Variants in NLK observed in about 807,000 individuals in gnomAD.
The protein encoded by NLK is nemo like kinase.
In NLK, 11 loss-of-function variants were observed where a neutral mutation model predicts 59.0. The ratio of observed to expected loss-of-function variants is 0.19; its 90% confidence interval spans 0.12 to 0.31. The LOEUF is 0.31. Ranked by LOEUF, NLK falls within the 10% of genes least tolerant of loss-of-function variation. NLK has a pLI of 1.00. For missense variants in NLK, 410 were observed against 661.1 expected (o/e 0.62, Z 4.16); for synonymous variants, 235 against 235.9 (o/e 1.00, Z 0.03).
At chr17:28,067,410 T>C (rs1409429956) in intron 1 of NLK, among the ~76,000 whole-genome samples, 1 of 152,114 alleles carries the variant, frequency 6.6e-6, no homozygotes, top group Non-Finnish European at 1.5e-5. Context: ...TAATGCACTT[T>C]CATGGAGTCA....
At chr17:28,120,349 C>T (rs540897121) in intron 1 of NLK, among the ~76,000 whole-genome samples, 1 of 151,974 alleles carries the variant, frequency 6.6e-6, no homozygotes, top group South Asian at 2.1e-4. Context: ...CTCAAGTGAT[C>T]CTCCTGTCTC....
intron 10 of NLK, 125 bp downstream of exon 10, chr17:28,192,338 TTA>T: frequency 1.6e-6 from 1 of 622,940 alleles, no homozygotes; most frequent in Non-Finnish European, 2.8e-6. Flanking sequence ...AAAGTTTCTG[TTA>T]TGAGGTTTGG....
At chr17:28,173,102 A>G (rs968580209) in intron 7 of NLK, among the ~76,000 whole-genome samples, 3 of 152,220 alleles carry the variant, frequency 2.0e-5, no homozygotes, top group Non-Finnish European at 4.4e-5. Flanking sequence ...CCAGATTTGC[A>G]CTCATCAGTA....
At chr17:28,136,086 G>A (rs565519488) in intron 3 of NLK, among the ~76,000 whole-genome samples, 12 of 152,220 alleles carry the variant, frequency 7.9e-5, no homozygotes, top group African/African-American at 1.9e-4. Flanking sequence ...AAAATTGTTC[G>A]CAGATGTTTA....
At chr17:28,186,331 G>T (rs1204975291) in intron 8 of NLK, among the ~76,000 whole-genome samples, 2 of 152,124 alleles carry the variant, frequency 1.3e-5, no homozygotes, top group Non-Finnish European at 2.9e-5. Flanking sequence ...AACAGTCAAG[G>T]TTTTTTTATT....
chr17:28,103,261 G>C (rs979041988), intron 1 of NLK, among the ~76,000 whole-genome samples: 2 of 152,166 alleles, frequency 1.3e-5, no homozygotes, highest in African/African-American at 4.8e-5. Flanking sequence ...AAGTATAGCA[G>C]AAGTTCCATA....
At chr17:28,158,191 A>G in intron 3 of NLK, among the ~76,000 whole-genome samples, 1 of 152,248 alleles carries the variant, frequency 6.6e-6, no homozygotes, top group Non-Finnish European at 1.5e-5. Flanking sequence ...CTCTTAGGCT[A>G]CAAACCTGTA....
intron 1 of NLK, among the ~76,000 whole-genome samples, chr17:28,095,335 T>C (rs1315950429): frequency 6.6e-6 from 1 of 152,184 alleles, no homozygotes; most frequent in Admixed American, 6.5e-5. Flanking sequence ...AAGAGTTTGC[T>C]GAAAAGTCTA....
chr17:28,127,063 T>G (rs139822736), intron 2 of NLK, among the ~76,000 whole-genome samples: 351 of 152,332 alleles, frequency 2.3e-3, no homozygotes, highest in Admixed American at 4.1e-3. Flanking sequence ...GTCTATTGAT[T>G]CCTGCCAAGA....
Position 28,043,063 on chromosome 17 carries a change from G to A in NLK, c.190G>A (p.Val64Ile), listed in dbSNP as rs544118935. Residue 64 changes from valine (V) to isoleucine (I), a missense_variant, in exon 1 of 11, where the codon GTA becomes ATA. Val to Ile is a conservative substitution (Grantham distance 29). This residue lies in a region of NLK where 160 missense variants were observed against 171.0 expected (regional missense o/e 0.94). Transcript: ENST00000407008. ...GGGGTCGGCTGCCGCTGTACACCCTGTACAGCAGCACACCTCTTCGGCAGC... is the reference window on the plus strand; with the variant it reads ...GGGGTCGGCTGCCGCTGTACACCCTATACAGCAGCACACCTCTTCGGCAGC... ...HPGSAAAVHP[V>I]QQHTSSAAAA... 1 of 1,565,602 alleles carries A rather than the reference G, an allele frequency of 6.4e-7. No individual in the cohort carries two copies. Among genetic ancestry groups the A allele is most frequent in the South Asian group, 1.2e-5 (1 of 86,684 alleles).
intron 1 of NLK, among the ~76,000 whole-genome samples, chr17:28,110,999 T>C (rs4795316): frequency 6.8e-6 from 1 of 147,198 alleles, no homozygotes; most frequent in South Asian, 2.2e-4. Flanking sequence ...CGCCCGCCAC[T>C]ACGCCCGGCT....
chr17:28,048,326 A>G (rs1373223264), intron 1 of NLK: 1 of 192,580 alleles, frequency 5.2e-6, no homozygotes, highest in East Asian at 1.2e-4. Context: ...CAAAAAATAA[A>G]CTTGTTTTAT....
intron 5 of NLK, among the ~76,000 whole-genome samples, chr17:28,165,063 T>G (rs1480744803): frequency 6.6e-6 from 1 of 152,174 alleles, no homozygotes; most frequent in East Asian, 1.9e-4. Flanking sequence ...GAGAAGTTAA[T>G]TGCCACCAAA....
At chr17:28,056,326 C>T (rs930975105) in intron 1 of NLK, among the ~76,000 whole-genome samples, 3 of 152,172 alleles carry the variant, frequency 2.0e-5, no homozygotes, top group Non-Finnish European at 4.4e-5. Context: ...GTCTAGCTGC[C>T]TCATTTTATA....
At chr17:28,156,729 A>G (rs1567730834) in intron 3 of NLK, among the ~76,000 whole-genome samples, 2 of 152,194 alleles carry the variant, frequency 1.3e-5, no homozygotes, top group Non-Finnish European at 2.9e-5. Flanking sequence ...ATTACATTCA[A>G]ATTAAGTTTT....
intron 7 of NLK, among the ~76,000 whole-genome samples, chr17:28,184,774 C>T (rs1444714279): frequency 6.6e-6 from 1 of 151,906 alleles, no homozygotes; most frequent in Non-Finnish European, 1.5e-5. Flanking sequence ...ATGGCAAAAC[C>T]CCTTCTCTAC....
At chr17:28,052,712 A>G (rs1479727706) in intron 1 of NLK, among the ~76,000 whole-genome samples, 2 of 152,156 alleles carry the variant, frequency 1.3e-5, no homozygotes, top group African/African-American at 2.4e-5. Context: ...TGTCATTTCA[A>G]CATGTATTCA....
At chr17:28,139,825 G>T (rs1906911265) in intron 3 of NLK, among the ~76,000 whole-genome samples, 2 of 152,260 alleles carry the variant, frequency 1.3e-5, no homozygotes, top group South Asian at 2.1e-4. Flanking sequence ...ACCATGCTCT[G>T]CTGCCTCTTA....
rs529216912 is a variant in NLK, at chr17:28,044,874, A to G, written c.458+1543A>G. ...TACTTTCTTTTTTAGTGCCTTACAT[A>G]CAATGCTAAAAACTAGGGATACTGA... On this transcript the variant is annotated intron_variant, in intron 1 of 10. Coordinates refer to ENST00000407008, the MANE Select transcript of NLK (RefSeq NM_016231.5). 2.0e-4 allele frequency among the ~76,000 whole-genome samples: 30 copies of G among 152,344 alleles called. No individual in the cohort carries two copies. The South Asian group carries it at 6.2e-3, about 32-fold the overall frequency.
Sources: allele counts gnomAD v4.1 joint callset (sites outside exome capture counted in the v4.1 genomes callset), GRCh38; gene constraint gnomAD v4.1.1; regional missense constraint gnomAD v4.1.1; transcripts MANE v1.5; gene names NCBI Gene and HGNC (gene_info 2026-07-23, HGNC 2026-07-21).